ETV5: variants seen among roughly 807,000 people sequenced by gnomAD.
ETV5 encodes the protein ETS variant transcription factor 5.
Under a neutral mutation model 70.0 loss-of-function variants are expected in ETV5, and 10 were observed. That is an observed-to-expected ratio of 0.14 (90% CI 0.09 to 0.24). The LOEUF (loss-of-function observed/expected upper bound fraction) is 0.24. Ranked by LOEUF, ETV5 falls within the 10% of genes least tolerant of loss-of-function variation. The probability of loss-of-function intolerance (pLI) is 1.00; values close to 1 mark genes in which losing one functional copy is unlikely to be tolerated. For synonymous variants in ETV5, 216 were observed against 242.2 expected (o/e 0.89, Z 1.01); for missense variants, 453 against 651.2 (o/e 0.70, Z 3.31).
intron 8 of ETV5, 52 bp downstream of exon 8, chr3:186,065,761 G>A (rs374668305): frequency 1.2e-5 from 20 of 1,609,480 alleles, no homozygotes; most frequent in African/African-American, 5.4e-5. Flanking sequence ...ACTGAATAAC[G>A]AGACAGAAGA....
intron 5 of ETV5, chr3:186,095,326 A>C (rs1714279191): frequency 6.6e-6 from 1 of 152,220 alleles, no homozygotes; most frequent in Admixed American, 6.5e-5. Context: ...GAAAGGAAAA[A>C]AAATTGCAAA....
At position 186,075,728 on chromosome 3, in the gene ETV5, TACC is replaced by T. The variant is rs982894077; in HGVS notation, c.650+4086_650+4088del. 2.2e-4 allele frequency among the ~76,000 whole-genome samples: 34 copies of T among 152,256 alleles called. 1 individual carries two copies. The highest frequency in any genetic ancestry group is 6.5e-5 in the Admixed American group (1 of 15,288). The stretch of plus-strand genomic sequence containing the variant: ...TTCTGTCAATTACAGCATGCTAGCC[TACC>T]ACAATACTGATGCCCTTAGGGGCTA... On this transcript the variant is annotated intron_variant, in intron 7 of 12. Transcript: ENST00000306376.
At chr3:186,072,795 T>A (rs183142384) in intron 7 of ETV5, among the ~76,000 whole-genome samples, 1 of 152,328 alleles carries the variant, frequency 6.6e-6, no homozygotes, top group East Asian at 1.9e-4. Context: ...AACTAAGACA[T>A]GTCCCCAGGA....
chr3:186,071,059 T>C (rs1394823977), intron 7 of ETV5, among the ~76,000 whole-genome samples: 2 of 152,208 alleles, frequency 1.3e-5, no homozygotes, highest in Non-Finnish European at 2.9e-5. Flanking sequence ...ATTTGTCAGA[T>C]TTATATAGCG....
chr3:186,078,995 C>G (rs760441242), intron 7 of ETV5: 1 of 1,014,330 alleles, frequency 9.9e-7, no homozygotes, highest in Admixed American at 5.4e-5. Context: ...GCCCCCACAC[C>G]GATCCACCTA....
chr3:186,059,019 A>T (rs1422009234), intron 9 of ETV5, among the ~76,000 whole-genome samples: 3 of 151,272 alleles, frequency 2.0e-5, no homozygotes, highest in Non-Finnish European at 4.4e-5. Context: ...TCTCAAAAAA[A>T]AAAAAATAAA....
chr3:186,053,457 C>T (rs573129826), intron 11 of ETV5, among the ~76,000 whole-genome samples: 2 of 152,194 alleles, frequency 1.3e-5, no homozygotes, highest in African/African-American at 4.8e-5. Context: ...AGAGAGAAAA[C>T]AGCATTTCAC....
intron 5 of ETV5, among the ~76,000 whole-genome samples, chr3:186,104,421 G>A (rs556959181): frequency 9.3e-4 from 142 of 152,224 alleles, no homozygotes; most frequent in African/African-American, 3.3e-3. Context: ...TCTCTTCTCT[G>A]AAGAGAAAAG....
intron 7 of ETV5, among the ~76,000 whole-genome samples, chr3:186,068,456 A>G (rs528630586): frequency 1.2e-4 from 19 of 152,118 alleles, no homozygotes; most frequent in African/African-American, 3.6e-4. Flanking sequence ...TTGCTCATCT[A>G]TAGTTTGATA....
chr3:186,068,591 G>A (rs1397734018), intron 7 of ETV5, among the ~76,000 whole-genome samples: 1 of 152,228 alleles, frequency 6.6e-6, no homozygotes, highest in Non-Finnish European at 1.5e-5. Context: ...CCTGTTGGGT[G>A]TGCAGTGTAG....
chr3:186,106,780 G>A (rs1398059154), intron 1 of ETV5, among the ~76,000 whole-genome samples: 2 of 152,138 alleles, frequency 1.3e-5, no homozygotes, highest in Non-Finnish European at 2.9e-5. Flanking sequence ...GGGTAAGTGT[G>A]TGAGTCTGGG....
intron 5 of ETV5, among the ~76,000 whole-genome samples, chr3:186,101,247 A>C (rs1350389591): frequency 6.6e-6 from 1 of 152,178 alleles, no homozygotes; most frequent in Admixed American, 6.5e-5. Context: ...CTGTATACAC[A>C]CGAAAGGTGT....
chr3:186,061,942 A>T (rs946335159), intron 9 of ETV5, among the ~76,000 whole-genome samples: 2 of 152,242 alleles, frequency 1.3e-5, no homozygotes, highest in Non-Finnish European at 1.5e-5. Context: ...TACTAAAAAC[A>T]ACAACAAAAC....
chr3:186,079,256 C>T, intron 7 of ETV5: 1 of 254,094 alleles, frequency 3.9e-6, no homozygotes. Context: ...CAAGTTACTC[C>T]TGATGCCTCA....
intron 1 of ETV5, among the ~76,000 whole-genome samples, chr3:186,107,906 C>T (rs1052303447): frequency 6.6e-6 from 1 of 151,946 alleles, no homozygotes; most frequent in African/African-American, 2.4e-5. Context: ...CAGCTGCGCC[C>T]CCGCCCCCAT....
chr3:186,090,511 A>C (rs1186102457), intron 5 of ETV5, among the ~76,000 whole-genome samples: 2 of 152,240 alleles, frequency 1.3e-5, no homozygotes, highest in Non-Finnish European at 2.9e-5. Flanking sequence ...TAATGCATCT[A>C]TAACAGGAAC....
In ETV5 at chr3:186,064,452, T is replaced by A; in HGVS notation, c.935A>T (p.Tyr312Phe). The change falls in exon 9 of 13, where the codon TAC (tyrosine) becomes TTC (phenylalanine). Residue 312 changes from tyrosine to phenylalanine, a missense_variant. Physicochemically the swap from Tyr to Phe is conservative, Grantham distance 22 (BLOSUM62 3). Coordinates refer to ENST00000306376, the MANE Select transcript of ETV5 (RefSeq NM_004454.3). ...DSEVPNCQSS[Y>F]MRGGYFSSSH... The stretch of plus-strand genomic sequence containing the variant: ...GCTGGAGAAATAACCCCCTCTCATG[T>A]AGGATGACTGGCAGTTAGGCACTTC... 1 of 1,614,154 alleles carries A rather than the reference T, an allele frequency of 6.2e-7. No homozygotes were observed. Among genetic ancestry groups the A allele is most frequent in the Non-Finnish European group, 8.5e-7 (1 of 1,180,014 alleles).
chr3:186,083,794 G>A (rs1181424387), intron 5 of ETV5, among the ~76,000 whole-genome samples: 1 of 152,110 alleles, frequency 6.6e-6, no homozygotes, highest in Non-Finnish European at 1.5e-5. Context: ...TGGGTACAAT[G>A]TTAGTTACAT....
intron 12 of ETV5, among the ~76,000 whole-genome samples, chr3:186,049,087 G>C (rs374450300): frequency 1.3e-5 from 2 of 152,196 alleles, no homozygotes; most frequent in East Asian, 3.8e-4. Flanking sequence ...ATTCACACTA[G>C]ATGGACTCTT....
Sources: allele counts gnomAD v4.1 joint callset (sites outside exome capture counted in the v4.1 genomes callset), GRCh38; gene constraint gnomAD v4.1.1; transcripts MANE v1.5; gene names NCBI Gene and HGNC (gene_info 2026-07-23, HGNC 2026-07-21).